ZNF560: variants seen among roughly 807,000 people sequenced by gnomAD.
The protein encoded by ZNF560 is zinc finger protein 560.
ZNF560 carries 54 observed loss-of-function variants against 81.8 expected under a neutral mutation model. The observed-to-expected ratio is 0.66, with a 90% confidence interval of 0.53 to 0.83. ZNF560 has a LOEUF of 0.83. Ranked by LOEUF, ZNF560 falls within the 40% of genes least tolerant of loss-of-function variation. ZNF560 has a pLI of 0.00. For missense variants in ZNF560, 940 were observed against 932.4 expected (o/e 1.01, Z -0.11); for synonymous variants, 321 against 317.9 (o/e 1.01, Z -0.10).
chr19:9,472,682 A>G (rs368105522), intron 5 of ZNF560, among the ~76,000 whole-genome samples: 1 of 152,130 alleles, frequency 6.6e-6, no homozygotes, highest in African/African-American at 2.4e-5. Context: ...TTGTATAATT[A>G]TTTCATTACA....
intron 2 of ZNF560, among the ~76,000 whole-genome samples, chr19:9,491,422 C>T (rs1308249561): frequency 6.6e-6 from 1 of 152,028 alleles, no homozygotes; most frequent in Non-Finnish European, 1.5e-5. Context: ...ATGCCCCATC[C>T]AATCAACAAA....
intron 2 of ZNF560, among the ~76,000 whole-genome samples, chr19:9,485,813 G>A (rs1182742940): frequency 6.6e-6 from 1 of 152,126 alleles, no homozygotes; most frequent in African/African-American, 2.4e-5. Flanking sequence ...TGGGATTACA[G>A]GCATGAGCCA....
chr19:9,467,870 G>T lies in ZNF560; in HGVS notation c.1077C>A (p.Tyr359Ter). 1.9e-6 allele frequency: 3 copies of T among 1,614,168 alleles called. No individual in the cohort carries two copies. The highest frequency in any genetic ancestry group is 2.5e-6 in the Non-Finnish European group (3 of 1,180,020). Reference sequence around the variant, plus strand: ...GCATGTGATTATTAAGGTGGGTAGGGTATCTAAAATCTTTTCCACATTCCT... The same window carrying T: ...GCATGTGATTATTAAGGTGGGTAGGTTATCTAAAATCTTTTCCACATTCCT... ...ECKECGKDFR[Y>*]PTHLNNHMQT... The change falls in exon 10 of 10, where the codon TAC (tyrosine) becomes TAA (stop). Residue 359 changes from tyrosine to a stop codon, truncating the protein, a stop_gained. Transcript: ENST00000301480. LOFTEE classifies it high-confidence loss of function.
At chr19:9,501,334 TG>T (rs1365197101), upstream of ZNF560, among the ~76,000 whole-genome samples, 1 of 29,432 alleles carries the variant, frequency 3.4e-5, no homozygotes, top group African/African-American at 7.3e-5. Context: ...ACTTTGTGTG[TG>T]TGTGTGTGTG....
chr19:9,457,126 A>G, the ZNF560 span, among the ~76,000 whole-genome samples: 1 of 152,258 alleles, frequency 6.6e-6, no homozygotes, highest in Admixed American at 6.5e-5. Context: ...CAGCTTCAAA[A>G]GGAACATATA....
intron 7 of ZNF560, among the ~76,000 whole-genome samples, chr19:9,470,141 G>A (rs550591950): frequency 4.9e-4 from 75 of 152,002 alleles, no homozygotes; most frequent in African/African-American, 1.6e-3. Context: ...TTAGTACATC[G>A]AGTCTGAGAA....
the ZNF560 span, among the ~76,000 whole-genome samples, chr19:9,453,540 GA>G: frequency 6.6e-6 from 1 of 151,988 alleles, no homozygotes; most frequent in African/African-American, 2.4e-5. Flanking sequence ...TAAAATATCA[GA>G]AAATATAAAC....
At chr19:9,455,020 A>G in the ZNF560 span, among the ~76,000 whole-genome samples, 87,504 of 151,896 alleles carry the variant, frequency 0.58, 25,996 homozygotes, top group African/African-American at 0.71. Context: ...GACACTGAGC[A>G]AAAAGTAGTC....
chr19:9,463,452 A>G (rs1171422988), downstream of ZNF560, among the ~76,000 whole-genome samples: 4 of 152,258 alleles, frequency 2.6e-5, no homozygotes, highest in East Asian at 7.7e-4. Flanking sequence ...GGAATAACCT[A>G]TAGGTTTTAT....
intron 2 of ZNF560, among the ~76,000 whole-genome samples, chr19:9,479,412 C>T (rs565519826): frequency 1.3e-5 from 2 of 151,962 alleles, no homozygotes; most frequent in Non-Finnish European, 2.9e-5. Flanking sequence ...AAAAACACTC[C>T]ACACAGATAG....
chr19:9,505,511 A>G, the ZNF560 span, among the ~76,000 whole-genome samples: 1 of 152,144 alleles, frequency 6.6e-6, no homozygotes, highest in African/African-American at 2.4e-5. Context: ...TGTTTGATTC[A>G]TTTACATTTA....
chr19:9,485,418 G>C (rs2073369524), intron 2 of ZNF560, among the ~76,000 whole-genome samples: 2 of 147,628 alleles, frequency 1.4e-5, no homozygotes, highest in African/African-American at 5.0e-5. Flanking sequence ...TTAAGTATAA[G>C]AATCATATGA....
chr19:9,451,715 C>T, the ZNF560 span, among the ~76,000 whole-genome samples: 4 of 152,146 alleles, frequency 2.6e-5, no homozygotes, highest in African/African-American at 9.7e-5. Flanking sequence ...ATGCATCTGA[C>T]AAAGGTCTAA....
the ZNF560 span, among the ~76,000 whole-genome samples, chr19:9,446,782 A>G: frequency 6.6e-6 from 1 of 152,194 alleles, no homozygotes; most frequent in Admixed American, 6.5e-5. Flanking sequence ...GTATAGAGAT[A>G]TCTAGAGATA....
chr19:9,474,775 C>T (rs1281043793), intron 3 of ZNF560, among the ~76,000 whole-genome samples: 5 of 151,076 alleles, frequency 3.3e-5, no homozygotes, highest in Non-Finnish European at 7.4e-5. Context: ...CGTCCTGCCT[C>T]AGCCTCCTGA....
chr19:9,476,094 G>C (rs543426546), intron 2 of ZNF560, among the ~76,000 whole-genome samples: 5 of 152,244 alleles, frequency 3.3e-5, no homozygotes, highest in Non-Finnish European at 7.4e-5. Flanking sequence ...AAGGCCTAGA[G>C]CCCTGGACTA....
the ZNF560 span, among the ~76,000 whole-genome samples, chr19:9,456,849 C>A: frequency 6.6e-5 from 10 of 152,176 alleles, no homozygotes; most frequent in South Asian, 2.1e-4. Context: ...GTTCTAATTC[C>A]TGAGCAATTA....
chr19:9,479,693 C>T (rs2073255636), intron 2 of ZNF560, among the ~76,000 whole-genome samples: 1 of 151,884 alleles, frequency 6.6e-6, no homozygotes, highest in Non-Finnish European at 1.5e-5. Context: ...CACATATTTT[C>T]CCTGCTCATT....
chr19:9,467,847 A>G lies in ZNF560; in HGVS notation c.1100T>C (p.Met367Thr). The change falls in exon 10 of 10, where the codon ATG (methionine) becomes ACG (threonine). Residue 367 changes from methionine (M) to threonine (T), a missense_variant. Transcript: ENST00000301480. ...AGGTTTTATCCCAATGTGGGTTTGC[A>G]TGTGATTATTAAGGTGGGTAGGGTA... is the stretch of plus-strand genomic sequence containing the variant. The part of the protein sequence containing the change: ...FRYPTHLNNH[M>T]QTHIGIKPYK... The G allele has an allele frequency of 6.2e-7, 1 of 1,614,188 alleles. No individual in the cohort carries two copies. The highest frequency in any genetic ancestry group is 8.5e-7 in the Non-Finnish European group (1 of 1,180,038).
Sources: allele counts gnomAD v4.1 joint callset (sites outside exome capture counted in the v4.1 genomes callset), GRCh38; gene constraint gnomAD v4.1.1; transcripts MANE v1.5; gene names NCBI Gene and HGNC (gene_info 2026-07-23, HGNC 2026-07-21).